The following PTPRK variants were observed in gnomAD, a reference collection of about 807,000 sequenced individuals.
PTPRK encodes the protein protein tyrosine phosphatase receptor type K, also known as receptor-type tyrosine-protein phosphatase kappa.
Under a neutral mutation model 178.0 loss-of-function variants are expected in PTPRK, and 75 were observed. The ratio of observed to expected loss-of-function variants is 0.42; its 90% CI spans 0.35 to 0.51. PTPRK has a LOEUF of 0.51. Among genes scored for constraint, PTPRK ranks in the 20% least tolerant of loss-of-function variants. PTPRK has a pLI of 0.02. For synonymous variants in PTPRK, 637 were observed against 620.6 expected, an observed-to-expected ratio of 1.03 and a Z score of -0.39; for missense variants, 1,441 against 1,797.8, an observed-to-expected ratio of 0.80 and a Z score of 3.59.
At chr6:128,039,768 A>G (rs1345878719) in intron 13 of PTPRK, among the ~76,000 whole-genome samples, 1 of 152,178 alleles carries the variant, frequency 6.6e-6, no homozygotes, top group Non-Finnish European at 1.5e-5. Flanking sequence ...TGCTCTGCAT[A>G]GTAACTGCAT....
intron 1 of PTPRK, among the ~76,000 whole-genome samples, chr6:128,488,686 T>G (rs552664071): frequency 6.6e-6 from 1 of 152,172 alleles, no homozygotes; most frequent in Non-Finnish European, 1.5e-5. Context: ...AAAACCTCCA[T>G]AGGATTTCTG....
chr6:128,285,814 AAAATAAATAAAT>A (rs200532531), intron 3 of PTPRK, among the ~76,000 whole-genome samples: 1 of 151,690 alleles, frequency 6.6e-6, no homozygotes, highest in African/African-American at 2.4e-5. Flanking sequence ...AAAAGTCTCC[AAAATAAATAAAT>A]AAATAAATAA....
chr6:128,060,854 T>C (rs938760131), intron 13 of PTPRK, among the ~76,000 whole-genome samples: 1 of 151,332 alleles, frequency 6.6e-6, no homozygotes, highest in African/African-American at 2.4e-5. Flanking sequence ...GTTAAAGAAA[T>C]AAAAACAACT....
chr6:128,261,406 T>C (rs1818158739), intron 3 of PTPRK, among the ~76,000 whole-genome samples: 2 of 152,204 alleles, frequency 1.3e-5, no homozygotes, highest in Non-Finnish European at 2.9e-5. Flanking sequence ...TTACATAATA[T>C]GGTGAAACAC....
rs144314061 is a variant in PTPRK, at chr6:128,028,748, T to C, written c.2195-19480A>G. Among the ~76,000 whole-genome samples the C allele has an allele frequency of 4.9e-3, 754 of 152,328 alleles. 7 individuals carry two copies. The highest frequency in any genetic ancestry group is 0.017 in the African/African-American group (706 of 41,564). On this transcript the variant is annotated intron_variant, in intron 13 of 29. Transcript: ENST00000368226. ...TTCTCAATGCCTAGTGTAAGACATA[T>C]GGCAGAGAGTAAGTGTGCAACAAAA...
intron 2 of PTPRK, among the ~76,000 whole-genome samples, chr6:128,350,808 T>C (rs1833015338): frequency 6.6e-6 from 1 of 152,190 alleles, no homozygotes; most frequent in African/African-American, 2.4e-5. Flanking sequence ...TGTTAGCTAG[T>C]AGAGCTTTCA....
chr6:128,472,013 G>A (rs1243147331), intron 1 of PTPRK, among the ~76,000 whole-genome samples: 1 of 152,008 alleles, frequency 6.6e-6, no homozygotes, highest in African/African-American at 2.4e-5. Context: ...GAGGAAAAGA[G>A]AGGGGGGAAA....
Position 128,080,256 on chromosome 6 carries a change from CT to C in PTPRK, c.1778-1339del, listed in dbSNP as rs201976655. 5.2e-3 allele frequency among the ~76,000 whole-genome samples: 791 copies of C among 152,066 alleles called. 27 individuals are homozygous for C. The highest frequency in any genetic ancestry group is 1.5e-3 in the Non-Finnish European group (104 of 67,958). On this transcript the variant is annotated intron_variant, in intron 10 of 29. Coordinates refer to ENST00000368226, the MANE Select transcript of PTPRK (RefSeq NM_002844.4). ...CGTTGGCTGTGCCGGGAACTTTGGG[CT>C]CATGGGGAGAAGTAGAGGATGGGAG...
At chr6:128,011,889 G>A (rs1779102698) in intron 13 of PTPRK, among the ~76,000 whole-genome samples, 1 of 151,090 alleles carries the variant, frequency 6.6e-6, no homozygotes, top group Non-Finnish European at 1.5e-5. Context: ...ATGCAAATCA[G>A]AGATAATAAA....
chr6:128,374,218 C>G (rs998046177), intron 2 of PTPRK, among the ~76,000 whole-genome samples: 2 of 152,130 alleles, frequency 1.3e-5, no homozygotes, highest in African/African-American at 4.8e-5. Flanking sequence ...GTACATTTCT[C>G]TAAATCTTTG....
At chr6:128,113,851 C>T (rs1392177292) in intron 7 of PTPRK, among the ~76,000 whole-genome samples, 2 of 152,136 alleles carry the variant, frequency 1.3e-5, no homozygotes, top group Admixed American at 1.3e-4. Context: ...CACACGGACA[C>T]ATGTATACAT....
intron 3 of PTPRK, among the ~76,000 whole-genome samples, chr6:128,285,740 C>A (rs1189203031): frequency 6.6e-6 from 1 of 151,848 alleles, no homozygotes; most frequent in African/African-American, 2.4e-5. Context: ...GGGAGGCTTG[C>A]AATGAGCCTA....
rs368894011 is a variant in PTPRK at position 128,186,550 on chromosome 6, T to C, written c.869-1825A>G. ...GATAGTTTGCAAATTGTTTCAACAA[T>C]ATGTAGTCAAAATTGCATAGTAAGT... On this transcript the variant is annotated intron_variant, in intron 6 of 29. Coordinates refer to ENST00000368226, the MANE Select transcript of PTPRK (RefSeq NM_002844.4). Among the ~76,000 whole-genome samples the C allele has an allele frequency of 2.6e-5, 4 of 152,252 alleles. No homozygotes were observed. The South Asian group carries it at 6.2e-4, about 24-fold the overall frequency.
intron 1 of PTPRK, among the ~76,000 whole-genome samples, chr6:128,450,187 T>C (rs557555490): frequency 7.9e-5 from 12 of 152,130 alleles, no homozygotes; most frequent in Non-Finnish European, 1.6e-4. Context: ...ATTAATACTT[T>C]GACAGTGGAG....
chr6:128,018,654 G>A (rs1772964271), intron 13 of PTPRK, among the ~76,000 whole-genome samples: 2 of 152,016 alleles, frequency 1.3e-5, no homozygotes, highest in South Asian at 4.1e-4. Context: ...TAAATGTATT[G>A]AAACATGTAA....
rs1768355 is a variant in PTPRK at position 128,309,180 on chromosome 6, C to G, written c.495+12859G>C. Among the ~76,000 whole-genome samples the G allele has an allele frequency of 4.3e-3, 658 of 152,192 alleles. 1 individual carries two copies. The highest frequency in any genetic ancestry group is 0.015 in the African/African-American group (624 of 41,514). On this transcript the variant is annotated intron_variant, in intron 3 of 29. Transcript: ENST00000368226. ...TACCACACAGTCTAATCCAACTGAG[C>G]ATTCACTAGACCTTTTTAAAAACTG...
At chr6:128,493,100 A>G (rs1195772627) in intron 1 of PTPRK, among the ~76,000 whole-genome samples, 1 of 152,230 alleles carries the variant, frequency 6.6e-6, no homozygotes, top group East Asian at 1.9e-4. Flanking sequence ...TATATGTTAA[A>G]TGAATGAGTG....
chr6:128,249,810 A>G (rs1816156668), intron 3 of PTPRK, among the ~76,000 whole-genome samples: 1 of 152,160 alleles, frequency 6.6e-6, no homozygotes, highest in African/African-American at 2.4e-5. Flanking sequence ...GTGGAAGGTA[A>G]TAATAAGGAT....
chr6:128,084,165 G>A (rs1785331412), intron 8 of PTPRK, among the ~76,000 whole-genome samples: 1 of 152,016 alleles, frequency 6.6e-6, no homozygotes, highest in South Asian at 2.1e-4. Flanking sequence ...TTTGTAATTT[G>A]TTTCAAGAAC....
Sources: gnomAD v4.1 joint callset for allele counts (sites outside exome capture counted in the v4.1 genomes callset) on GRCh38, gnomAD v4.1.1 for gene constraint, MANE v1.5 for transcripts, NCBI Gene and HGNC (gene_info 2026-07-23, HGNC 2026-07-21) for gene names.